The following GDF11 variants were observed in gnomAD, a reference collection of about 807,000 sequenced individuals.
GDF11 encodes the protein growth differentiation factor 11.
In GDF11, 12 loss-of-function variants were observed where a neutral mutation model predicts 34.4. That is an observed-to-expected ratio of 0.35 (90% CI 0.22 to 0.57). The LOEUF is 0.57. GDF11 is among the 20% of genes least tolerant of loss of function. The pLI is 0.86. For missense variants in GDF11, 346 were observed against 548.2 expected, an observed-to-expected ratio of 0.63 and a Z score of 3.68; for synonymous variants, 212 against 231.1, an observed-to-expected ratio of 0.92 and a Z score of 0.75.
In GDF11 at chr12:55,743,417, C is replaced by CGGCGGCGGCGGT. The variant is rs1331363701; in HGVS notation, c.112_113insTGGCGGCGGCGG (p.Ala37_Ala38insValAlaAlaAla). ...GAGGGCCCCGCGGCGGCGGCGGCGG[C>CGGCGGCGGCGGT]GGCGGCGGCGGCGGCAGCGGCGGGG... On this transcript the variant is annotated inframe_insertion, in exon 1 of 3. Transcript: ENST00000257868. The CGGCGGCGGCGGT allele has an allele frequency of 9.7e-7, 1 of 1,032,956 alleles. No homozygotes were observed. The highest frequency in any genetic ancestry group is 1.7e-5 in the African/African-American group (1 of 57,632). 64.0% of individuals were successfully genotyped at this position (1,032,956 alleles called of 1,614,324 possible).
intron 1 of GDF11, 92 bp downstream of exon 1, chr12:55,743,853 C>T: frequency 1.9e-6 from 2 of 1,056,570 alleles, no homozygotes; most frequent in Admixed American, 6.0e-5. Flanking sequence ...CCTGCTGCCC[C>T]GGCCCGGAAG....
chr12:55,748,047 T>C lies in GDF11; in HGVS notation c.446-539T>C, dbSNP rs544203579. 5.9e-5 allele frequency among the ~76,000 whole-genome samples: 9 copies of C among 152,292 alleles called. No homozygotes were observed. Among genetic ancestry groups the C allele is most frequent in the African/African-American group, 2.2e-4 (9 of 41,552 alleles). The stretch of plus-strand genomic sequence containing the variant: ...AAGAAGCCTAGATCTGAATTCTGGT[T>C]TACATAATGGGATAAATTTAGCTCA... On this transcript the variant is annotated intron_variant, in intron 1 of 2. Coordinates refer to ENST00000257868, the MANE Select transcript of GDF11 (RefSeq NM_005811.5). The surrounding 1 kb of genome is among the most constrained non-coding windows in gnomAD (Gnocchi z 5.6).
rs755018155 is a variant in GDF11, at chr12:55,749,024, C to G, written c.843+41C>G. On this transcript the variant is annotated intron_variant, in intron 2 of 2. Coordinates refer to ENST00000257868, the MANE Select transcript of GDF11 (RefSeq NM_005811.5). This position sits in a 1 kb window ranked among gnomAD's most constrained non-coding sequence, Gnocchi z 5.6. ...GAGGTGGTGGATATGTGTAACCTGG[C>G]CCTGAGGAGATAGGGTTACATTGGA... The G allele has an allele frequency of 8.3e-5, 128 of 1,538,310 alleles. No individual in the cohort carries two copies. The highest frequency in any genetic ancestry group is 1.1e-4 in the Non-Finnish European group (122 of 1,145,952).
intron 1 of GDF11, among the ~76,000 whole-genome samples, chr12:55,746,310 A>G (rs1327411247): frequency 6.6e-6 from 1 of 152,030 alleles, no homozygotes; most frequent in Non-Finnish European, 1.5e-5. Flanking sequence ...CTTTCTAACC[A>G]TCACCCACTC....
At position 55,748,385 on chromosome 12, in the gene GDF11, A is replaced by T. The variant is rs1878228354; in HGVS notation, c.446-201A>T. Among the ~76,000 whole-genome samples the T allele has an allele frequency of 6.6e-6, 1 of 152,266 alleles. No individual in the cohort carries two copies. The highest frequency in any genetic ancestry group is 2.4e-5 in the African/African-American group (1 of 41,466). On this transcript the variant is annotated intron_variant, in intron 1 of 2. Transcript: ENST00000257868. This position sits in a 1 kb window ranked among gnomAD's most constrained non-coding sequence, Gnocchi z 5.6. ...ATGGATTAGGAAATGGACACAGATC[A>T]GTAAGGCCTTATAGGGCCATCATCC...
Sources: gnomAD v4.1 joint callset for allele counts (sites outside exome capture counted in the v4.1 genomes callset) on GRCh38, gnomAD v4.1.1 for gene constraint, Gnocchi (gnomAD v3.1) non-coding constraint, MANE v1.5 for transcripts, NCBI Gene and HGNC (gene_info 2026-07-23, HGNC 2026-07-21) for gene names.